Variants in NTM observed in about 807,000 individuals in gnomAD.
NTM encodes the protein IgLON family member 2.
Under a neutral mutation model 42.1 loss-of-function variants are expected in NTM, and 13 were observed. The ratio of observed to expected loss-of-function variants is 0.31; its 90% CI spans 0.20 to 0.49. The LOEUF is 0.49. NTM is among the 20% of genes least tolerant of loss of function. The pLI, the probability that NTM is intolerant of heterozygous loss-of-function variation, is 0.99. For synonymous variants in NTM, 187 were observed against 179.2 expected (o/e 1.04, Z -0.35); for missense variants, 373 against 452.8 (o/e 0.82, Z 1.60).
At chr11:132,187,675 G>T (rs528050905) in intron 3 of NTM, among the ~76,000 whole-genome samples, 8 of 152,290 alleles carry the variant, frequency 5.3e-5, no homozygotes, top group African/African-American at 1.4e-4. Context: ...AGAAGGGAGA[G>T]ATTTGAGGCA....
intron 1 of NTM, among the ~76,000 whole-genome samples, chr11:131,584,175 C>T (rs2058656628): frequency 6.6e-6 from 1 of 152,326 alleles, no homozygotes; most frequent in East Asian, 1.9e-4. Flanking sequence ...GAGTGTCTCT[C>T]AGTCCCTGCC....
Position 132,079,698 on chromosome 11 carries a change from G to A in NTM, c.168-66584G>A, listed in dbSNP as rs139293702. 1.6e-3 allele frequency among the ~76,000 whole-genome samples: 244 copies of A among 152,262 alleles called. 3 individuals are homozygous for A. Among genetic ancestry groups the A allele is most frequent in the African/African-American group, 5.2e-3 (217 of 41,570 alleles). The stretch of plus-strand genomic sequence containing the variant: ...TTGATGACAATTGTGAACGTAACCT[G>A]GTTGCATGTTCCTGACACTAAAAGT... On this transcript the variant is annotated intron_variant, in intron 2 of 8. Transcript: ENST00000683400.
At chr11:131,757,646 G>A (rs1034127524) in intron 1 of NTM, among the ~76,000 whole-genome samples, 12 of 152,276 alleles carry the variant, frequency 7.9e-5, no homozygotes, top group East Asian at 5.8e-4. Flanking sequence ...CCCTGACATC[G>A]TCCACTGGAG....
intron 2 of NTM, among the ~76,000 whole-genome samples, chr11:132,038,515 CT>C (rs1029476039): frequency 3.9e-5 from 6 of 152,024 alleles, no homozygotes; most frequent in Non-Finnish European, 8.8e-5. Context: ...CTCAGTTTCC[CT>C]GACTGTAAAG....
intron 4 of NTM, among the ~76,000 whole-genome samples, chr11:132,289,113 A>T (rs2139972317): frequency 6.6e-6 from 1 of 152,276 alleles, no homozygotes; most frequent in East Asian, 1.9e-4. Flanking sequence ...TTTACTTTGC[A>T]GGGCATAGTT....
At chr11:131,518,712 C>A (rs1209455803) in intron 1 of NTM, among the ~76,000 whole-genome samples, 1 of 152,306 alleles carries the variant, frequency 6.6e-6, no homozygotes, top group South Asian at 2.1e-4. Context: ...CATTTGCATA[C>A]TTTCCTCATC....
chr11:132,302,376 A>G (rs550850569), intron 4 of NTM, among the ~76,000 whole-genome samples: 2 of 152,340 alleles, frequency 1.3e-5, no homozygotes, highest in East Asian at 3.9e-4. Context: ...TTAAAATCAC[A>G]TATTTAAAGA....
intron 2 of NTM, among the ~76,000 whole-genome samples, chr11:132,096,759 G>A (rs899051589): frequency 1.8e-4 from 28 of 152,116 alleles, no homozygotes; most frequent in Non-Finnish European, 5.9e-5. Context: ...CTGCGGGGAG[G>A]GGAGTCGACA....
intron 1 of NTM, chr11:131,769,458 A>G (rs1359807036): frequency 1.3e-5 from 3 of 229,608 alleles, no homozygotes; most frequent in African/African-American, 7.0e-5. Flanking sequence ...AAAAGAAACT[A>G]AAGAACAAAG....
chr11:132,080,643 A>G (rs930285804), intron 2 of NTM, among the ~76,000 whole-genome samples: 1 of 152,194 alleles, frequency 6.6e-6, no homozygotes, highest in Non-Finnish European at 1.5e-5. Context: ...GAAGCCCTTT[A>G]AGCTTCAATG....
At chr11:132,151,991 T>G (rs534913576) in intron 3 of NTM, among the ~76,000 whole-genome samples, 5 of 152,340 alleles carry the variant, frequency 3.3e-5, no homozygotes, top group African/African-American at 9.6e-5. Flanking sequence ...CGTGTTTCTT[T>G]CCAATCCTGA....
intron 1 of NTM, among the ~76,000 whole-genome samples, chr11:131,410,319 A>T (rs1246496094): frequency 6.6e-6 from 1 of 151,880 alleles, no homozygotes; most frequent in African/African-American, 2.4e-5. Flanking sequence ...TCAAAACTAA[A>T]ATAAATAAAT....
intron 2 of NTM, among the ~76,000 whole-genome samples, chr11:132,045,000 G>T (rs2077785789): frequency 6.6e-6 from 1 of 152,278 alleles, no homozygotes; most frequent in African/African-American, 2.4e-5. Context: ...AAATTGAAAA[G>T]AAGGGGACTT....
intron 1 of NTM, among the ~76,000 whole-genome samples, chr11:131,542,018 C>T (rs1280633454): frequency 6.6e-6 from 1 of 152,108 alleles, no homozygotes; most frequent in African/African-American, 2.4e-5. Context: ...AGACTGTTGC[C>T]TCATTTACTG....
At chr11:131,415,122 T>C (rs75942217) in intron 1 of NTM, among the ~76,000 whole-genome samples, 1,571 of 152,316 alleles carry the variant, frequency 0.01, 17 homozygotes, top group African/African-American at 0.036. Context: ...AAGGATGGAA[T>C]TGGAATGGGG....
intron 3 of NTM, among the ~76,000 whole-genome samples, chr11:132,185,630 T>A (rs2078272079): frequency 6.6e-6 from 1 of 152,242 alleles, no homozygotes; most frequent in African/African-American, 2.4e-5. Flanking sequence ...TTGCTGCATA[T>A]AACGCAAATC....
chr11:131,404,334 C>T (rs1478259312), intron 1 of NTM, among the ~76,000 whole-genome samples: 1 of 152,168 alleles, frequency 6.6e-6, no homozygotes, highest in African/African-American at 2.4e-5. Context: ...ATAGATGACC[C>T]TTTCTGTCTT....
intron 1 of NTM, among the ~76,000 whole-genome samples, chr11:131,887,042 T>C (rs898929763): frequency 6.6e-6 from 1 of 152,234 alleles, no homozygotes; most frequent in African/African-American, 2.4e-5. Flanking sequence ...AAGCCCCTGA[T>C]GAATAAGTTC....
At chr11:131,482,730 G>A (rs1462395918) in intron 1 of NTM, among the ~76,000 whole-genome samples, 1 of 152,144 alleles carries the variant, frequency 6.6e-6, no homozygotes, top group Non-Finnish European at 1.5e-5. Flanking sequence ...TCTGTGATAA[G>A]CTTTTATGAT....
Sources: allele counts gnomAD v4.1 joint callset (sites outside exome capture counted in the v4.1 genomes callset), GRCh38; gene constraint gnomAD v4.1.1; transcripts MANE v1.5; gene names NCBI Gene and HGNC (gene_info 2026-07-23, HGNC 2026-07-21).